RIMBP2: variants seen among roughly 807,000 people sequenced by gnomAD.
RIMBP2 encodes the protein RIMS-binding protein 2.
RIMBP2 carries 48 observed loss-of-function variants against 118.6 expected under a neutral mutation model. That is an observed-to-expected ratio of 0.40 (90% CI 0.32 to 0.51). The LOEUF is 0.51. Ranked by LOEUF, RIMBP2 falls within the 20% of genes least tolerant of loss-of-function variation. The pLI is 0.41. For missense variants in RIMBP2, 1,551 were observed against 1,768.3 expected (o/e 0.88, Z 2.20); for synonymous variants, 762 against 742.9 (o/e 1.03, Z -0.42).
At chr12:130,632,671 T>A (rs1209716246) in intron 1 of RIMBP2, among the ~76,000 whole-genome samples, 1 of 152,164 alleles carries the variant, frequency 6.6e-6, no homozygotes, top group African/African-American at 2.4e-5. Flanking sequence ...TTGCTAATGA[T>A]GATAGGGCAT....
rs563548692 is a variant in RIMBP2 at position 130,461,707 on chromosome 12, G to A, written c.154-5007C>T. 6.1e-4 allele frequency among the ~76,000 whole-genome samples: 93 copies of A among 152,156 alleles called. 2 individuals are homozygous for A. In the South Asian group the frequency reaches 0.019, roughly 32 times the overall value. On this transcript the variant is annotated intron_variant, in intron 6 of 22. Transcript: ENST00000690449. Reference sequence around the variant, plus strand: ...GGCTAAGTTCACACAAGGTCTGCTTGTTGAAAAGAGCCTGGCACCTCCCAT... The same window carrying A: ...GGCTAAGTTCACACAAGGTCTGCTTATTGAAAAGAGCCTGGCACCTCCCAT...
In RIMBP2 at chr12:130,475,659, C is replaced by T. The variant is rs1481410932; in HGVS notation, c.102+3253G>A. 2.6e-5 allele frequency among the ~76,000 whole-genome samples: 4 copies of T among 151,938 alleles called. No homozygotes were observed. Among genetic ancestry groups the T allele is most frequent in the Non-Finnish European group, 5.9e-5 (4 of 68,018 alleles). Reference sequence around the variant, plus strand: ...ATGGAATCAGAAGCCCCCCAGAGGACTGAGACTCTCTTGAGAGGAATTTTA... The same window carrying T: ...ATGGAATCAGAAGCCCCCCAGAGGATTGAGACTCTCTTGAGAGGAATTTTA... On this transcript the variant is annotated intron_variant, in intron 5 of 22. Coordinates refer to ENST00000690449, the MANE Select transcript of RIMBP2 (RefSeq NM_001393629.1). This position sits in a 1 kb window ranked among gnomAD's most constrained non-coding sequence, Gnocchi z 4.1.
chr12:130,517,271 CCTAT>C (rs2051573164), intron 3 of RIMBP2, among the ~76,000 whole-genome samples: 1 of 152,100 alleles, frequency 6.6e-6, no homozygotes. Flanking sequence ...CGCGGGGCAC[CCTAT>C]ACCACCTTGG....
At position 130,456,694 on chromosome 12, in the gene RIMBP2, C is replaced by A. The variant is rs1244752708; in HGVS notation, c.160G>T (p.Val54Phe). Residue 54 changes from valine (V) to phenylalanine (F), a missense_variant, in exon 7 of 23, where the codon GTT (valine) becomes TTT (phenylalanine). Val to Phe is a conservative substitution (Grantham distance 50). Coordinates refer to ENST00000690449, the MANE Select transcript of RIMBP2 (RefSeq NM_001393629.1). ...CGGCATTTCTCTTCCAGCTCTCGAA[C>A]CTTGGACTGCACGGCAGAAGCAGGA... ...EGAVRLLESKVRELEEKCRTQ... is the reference protein window; with the variant it reads ...EGAVRLLESKFRELEEKCRTQ... The A allele has an allele frequency of 5.0e-6, 8 of 1,601,692 alleles. No individual in the cohort carries two copies. The highest frequency in any genetic ancestry group is 6.8e-6 in the Non-Finnish European group (8 of 1,171,112).
chr12:130,442,649 C>G lies in RIMBP2; in HGVS notation c.703G>C (p.Asp235His), dbSNP rs765572046. The change falls in exon 11 of 23, where the codon GAT becomes CAT. Residue 235 changes from aspartate to histidine, a missense_variant. Around this residue, in one of 5 missense-constraint regions of RIMBP2, gnomAD observed 265 missense variants for 349.5 expected, o/e 0.76. Transcript: ENST00000690449. The surrounding 1 kb of genome is among the most constrained non-coding windows in gnomAD (Gnocchi z 6.9). ...GAGGGCACCAGACCCCTCTGGCCAT[C>G]GAGGAGCTCTCCTGTTGGGTACAAG... ...EDGFYEGELL[D>H]GQRGLVPSNF... The G allele has an allele frequency of 6.2e-7, 1 of 1,613,688 alleles. No individual in the cohort carries two copies. Among genetic ancestry groups the G allele is most frequent in the Non-Finnish European group, 8.5e-7 (1 of 1,179,772 alleles).
At chr12:130,556,892 G>A (rs2056409891) in intron 2 of RIMBP2, among the ~76,000 whole-genome samples, 1 of 152,160 alleles carries the variant, frequency 6.6e-6, no homozygotes, top group African/African-American at 2.4e-5. Flanking sequence ...GCACCCTTAG[G>A]GCGTAGGTGC....
Position 130,442,128 on chromosome 12 carries a change from C to G in RIMBP2, c.1224G>C (p.Val408=), listed in dbSNP as rs769613139. 6.8e-6 allele frequency: 11 copies of G among 1,614,040 alleles called. No homozygotes were observed. The highest frequency in any genetic ancestry group is 1.1e-5 in the South Asian group (1 of 91,084). The change falls in exon 11 of 23, where the codon GTG becomes GTC. Residue 408 remains valine (V), a synonymous_variant. Coordinates refer to ENST00000690449, the MANE Select transcript of RIMBP2 (RefSeq NM_001393629.1). This position sits in a 1 kb window ranked among gnomAD's most constrained non-coding sequence, Gnocchi z 6.9. ...CCACCCGCAGGTGGGAGGGGGCCAC[C>G]ACCACGTCCTTGCCCACCAGCAGCG... ...QCTLLVGKDV[V]VAPSHLRVDN...
intron 6 of RIMBP2, among the ~76,000 whole-genome samples, chr12:130,463,686 C>G (rs2080206114): frequency 6.6e-6 from 1 of 152,034 alleles, no homozygotes; most frequent in Admixed American, 6.6e-5. Context: ...GGTCACTTGA[C>G]TTAGTGTCAG....
intron 2 of RIMBP2, among the ~76,000 whole-genome samples, chr12:130,535,405 C>T (rs1407450796): frequency 6.6e-6 from 1 of 151,872 alleles, no homozygotes; most frequent in African/African-American, 2.4e-5. Flanking sequence ...GTCCCAGTAC[C>T]CAAGAGGCTG....
Position 130,414,238 on chromosome 12 carries a change from C to T in RIMBP2, c.3307G>A (p.Glu1103Lys). The change falls in exon 18 of 23, where the codon GAG (glutamate) becomes AAG (lysine). Residue 1103 changes from glutamate (E) to lysine (K), a missense_variant. Glu to Lys is a moderately conservative substitution (Grantham distance 56). Coordinates refer to ENST00000690449, the MANE Select transcript of RIMBP2 (RefSeq NM_001393629.1). ...GCCACAAAGATCCGGGCCGGGAGCTCTTCGGCACCAGGGTCAGTTTCTGAC... is the reference window on the plus strand; with the variant it reads ...GCCACAAAGATCCGGGCCGGGAGCTTTTCGGCACCAGGGTCAGTTTCTGAC... ...EESETDPGAE[E>K]LPARIFVALF... 3 of 1,614,032 alleles carry T rather than the reference C, an allele frequency of 1.9e-6. No homozygotes were observed. Among genetic ancestry groups the T allele is most frequent in the Non-Finnish European group, 2.5e-6 (3 of 1,179,946 alleles).
chr12:130,546,199 G>A (rs754056409), intron 2 of RIMBP2, among the ~76,000 whole-genome samples: 12 of 148,610 alleles, frequency 8.1e-5, no homozygotes, highest in Non-Finnish European at 1.8e-4. Flanking sequence ...TGCCTCCCAG[G>A]TTCAAGTGAT....
At chr12:130,411,967 A>G (rs182530159) in intron 19 of RIMBP2, among the ~76,000 whole-genome samples, 75 of 152,306 alleles carry the variant, frequency 4.9e-4, no homozygotes, top group Admixed American at 3.2e-3. Flanking sequence ...TATAAAACTG[A>G]TATCTCTCTA....
intron 1 of RIMBP2, among the ~76,000 whole-genome samples, chr12:130,641,610 A>G (rs1440886057): frequency 1.3e-5 from 2 of 152,242 alleles, no homozygotes; most frequent in Admixed American, 1.3e-4. Context: ...TCATGGGCAG[A>G]GAGCCCCTCA....
intron 1 of RIMBP2, among the ~76,000 whole-genome samples, chr12:130,686,187 C>T (rs1430206469): frequency 6.6e-6 from 1 of 152,210 alleles, no homozygotes; most frequent in East Asian, 1.9e-4. Flanking sequence ...GTTGCCCCTT[C>T]CTGCCGCCAT....
chr12:130,439,412 TGTATATGG>T (rs1297628399), intron 11 of RIMBP2, among the ~76,000 whole-genome samples: 1 of 150,032 alleles, frequency 6.7e-6, no homozygotes, highest in Non-Finnish European at 1.5e-5. Flanking sequence ...TGTATATATG[TGTATATGG>T]GTATATGTGT....
chr12:130,480,976 G>A (rs904983005), intron 4 of RIMBP2, among the ~76,000 whole-genome samples: 2 of 152,228 alleles, frequency 1.3e-5, no homozygotes, highest in Non-Finnish European at 2.9e-5. Flanking sequence ...TCGGACACAC[G>A]CGTCCAAGAG....
At chr12:130,712,515 G>T (rs2895139) in intron 1 of RIMBP2, among the ~76,000 whole-genome samples, 1 of 151,862 alleles carries the variant, frequency 6.6e-6, no homozygotes, top group Non-Finnish European at 1.5e-5. Flanking sequence ...GTCCTGTCCC[G>T]CTGGGAGGTC....
intron 1 of RIMBP2, among the ~76,000 whole-genome samples, chr12:130,640,500 C>T (rs1312044227): frequency 2.0e-5 from 3 of 152,196 alleles, no homozygotes; most frequent in Non-Finnish European, 2.9e-5. Flanking sequence ...TAGTTATTAA[C>T]ACTATTCGTG....
rs1217236768 is a variant in RIMBP2, at chr12:130,578,196, T to G, written c.-217+50126A>C. Among the ~76,000 whole-genome samples, 1 of 152,162 alleles carries G rather than the reference T, an allele frequency of 6.6e-6. No individual in the cohort carries two copies. The highest frequency in any genetic ancestry group is 1.5e-5 in the Non-Finnish European group (1 of 68,028). ...TTGGAAGCTGATGAGGAGGCATGGG[T>G]CAGGGCCTGAGCTGGGGCAGAAGCT... On this transcript the variant is annotated intron_variant, in intron 2 of 22. Coordinates refer to ENST00000690449, the MANE Select transcript of RIMBP2 (RefSeq NM_001393629.1). The surrounding 1 kb of genome is among the most constrained non-coding windows in gnomAD (Gnocchi z 4.1).
Sources: gnomAD v4.1 joint callset for allele counts (sites outside exome capture counted in the v4.1 genomes callset) on GRCh38, gnomAD v4.1.1 for gene constraint, gnomAD v4.1.1 regional missense constraint, Gnocchi (gnomAD v3.1) non-coding constraint, MANE v1.5 for transcripts, NCBI Gene and HGNC (gene_info 2026-07-23, HGNC 2026-07-21) for gene names.